SPRED2: variants seen among roughly 807,000 people sequenced by gnomAD.
SPRED2 encodes sprouty related EVH1 domain containing 2, also known as sprouty-related, EVH1 domain-containing protein 2.
A neutral mutation model predicts 43.0 loss-of-function variants in SPRED2; 47 were observed. The observed-to-expected ratio is 1.09, with a 90% CI of 0.87 to 1.40. SPRED2 has a LOEUF of 1.40. SPRED2 is among the 40% of genes most tolerant of loss of function. The pLI, the probability that SPRED2 is intolerant of heterozygous loss-of-function variation, is 0.00. For synonymous variants in SPRED2, 225 were observed against 225.7 expected (o/e 1.00, Z 0.03); for missense variants, 561 against 586.4 (o/e 0.96, Z 0.45).
At chr2:65,382,303 C>T (rs876933) in intron 1 of SPRED2, among the ~76,000 whole-genome samples, 40,985 of 151,870 alleles carry the variant, frequency 0.27, 6,913 homozygotes, top group East Asian at 0.7. Flanking sequence ...AAGAAGGCTA[C>T]GAAGAAGAAG....
chr2:65,360,337 TG>T (rs553818841), intron 1 of SPRED2, among the ~76,000 whole-genome samples: 112 of 152,356 alleles, frequency 7.4e-4, no homozygotes, highest in African/African-American at 2.5e-3. Context: ...GAAAGCATCC[TG>T]GATATGCCAT....
intron 2 of SPRED2, among the ~76,000 whole-genome samples, chr2:65,339,469 G>C (rs1436505524): frequency 1.3e-5 from 2 of 151,100 alleles, no homozygotes; most frequent in African/African-American, 2.4e-5. Flanking sequence ...GTCCACTCAG[G>C]GTTAAATGGA....
Position 65,313,068 on chromosome 2 carries a change from GAGAA to G in SPRED2, c.*429_*432del. ...GCTAGCGACAGGCAAGGTGAACCAA[GAGAA>G]AGAGAGTCTTCGACGCTCTTGGAAA... On this transcript the variant is annotated 3_prime_UTR_variant, in exon 6 of 6. Coordinates refer to ENST00000356388, the MANE Select transcript of SPRED2 (RefSeq NM_181784.3). The G allele has an allele frequency of 1.0e-6, 1 of 988,536 alleles. No homozygotes were observed. Among genetic ancestry groups the G allele is most frequent in the Non-Finnish European group, 1.2e-6 (1 of 832,260 alleles). The allele number at this position is 988,536 out of a possible 1,614,324, so 61.2% of individuals were successfully genotyped here.
At chr2:65,357,373 C>T (rs1054565705) in intron 1 of SPRED2, among the ~76,000 whole-genome samples, 1 of 152,196 alleles carries the variant, frequency 6.6e-6, no homozygotes, top group Non-Finnish European at 1.5e-5. Flanking sequence ...ATTAGTTCCA[C>T]CTCTTAAGCT....
intron 1 of SPRED2, among the ~76,000 whole-genome samples, chr2:65,360,367 C>T (rs1440214319): frequency 2.6e-5 from 4 of 152,238 alleles, no homozygotes; most frequent in African/African-American, 9.6e-5. Flanking sequence ...AACTGCCGCA[C>T]ACCCAGCAGT....
intron 1 of SPRED2, chr2:65,378,007 T>G: frequency 8.1e-6 from 2 of 246,814 alleles, no homozygotes; most frequent in East Asian, 1.8e-4. Context: ...GCATTTCCTC[T>G]GTAACATGTC....
Position 65,311,307 on chromosome 2 carries a change from G to A in SPRED2, c.*2194C>T, listed in dbSNP as rs1673061498. 1 of 985,794 alleles carries A rather than the reference G, an allele frequency of 1.0e-6. No individual in the cohort carries two copies. The highest frequency in any genetic ancestry group is 1.2e-6 in the Non-Finnish European group (1 of 829,910). 61.1% of individuals were successfully genotyped at this position (985,794 alleles called of 1,614,324 possible). A position where few individuals can be genotyped will look rare whatever the true frequency, so the allele number is the denominator to read the frequency against. On this transcript the variant is annotated 3_prime_UTR_variant, in exon 6 of 6. Coordinates refer to ENST00000356388, the MANE Select transcript of SPRED2 (RefSeq NM_181784.3). ...CATGGCTGTCTTTGTGCCCTTAACC[G>A]ATGCCTTCACAAACCAAAAAGTATA... is the stretch of plus-strand genomic sequence containing the variant.
chr2:65,330,799 T>A (rs945749203), intron 4 of SPRED2, among the ~76,000 whole-genome samples: 3 of 152,208 alleles, frequency 2.0e-5, no homozygotes, highest in Non-Finnish European at 4.4e-5. Flanking sequence ...GAGAGGTGAC[T>A]TACTTTCAAA....
In SPRED2 at chr2:65,312,155, T is replaced by C; in HGVS notation, c.*1346A>G. 1 of 985,636 alleles carries C rather than the reference T, an allele frequency of 1.0e-6. No individual in the cohort carries two copies. The highest frequency in any genetic ancestry group is 1.2e-6 in the Non-Finnish European group (1 of 829,936). 61.1% of individuals were successfully genotyped at this position (985,636 alleles called of 1,614,324 possible). A position where few individuals can be genotyped will look rare whatever the true frequency, so the allele number is the denominator to read the frequency against. On this transcript the variant is annotated 3_prime_UTR_variant, in exon 6 of 6. Transcript: ENST00000356388. ...TAGAAAAATACTCTTTTCCAGCTAA[T>C]TAGAAGCCTCCTCCGTGGCAAGGCG... is the stretch of plus-strand genomic sequence containing the variant.
intron 1 of SPRED2, among the ~76,000 whole-genome samples, chr2:65,401,935 G>GTGCGCGCA (rs1553426607): frequency 2.2e-5 from 2 of 89,306 alleles, no homozygotes; most frequent in Admixed American, 1.0e-4. Context: ...TAGCGCGCGC[G>GTGCGCGCA]CGCACACACA....
intron 1 of SPRED2, among the ~76,000 whole-genome samples, chr2:65,366,229 A>G (rs915861019): frequency 2.6e-5 from 4 of 152,114 alleles, no homozygotes; most frequent in Non-Finnish European, 5.9e-5. Context: ...GCTCTACACT[A>G]CCCACCCAAG....
At chr2:65,349,308 C>CAAAAAAAAAAAAA (rs59019958) in intron 1 of SPRED2, among the ~76,000 whole-genome samples, 1 of 83,698 alleles carries the variant, frequency 1.2e-5, no homozygotes. Context: ...GACTCTGTCT[C>CAAAAAAAAAAAAA]AAAAAAAAAA....
chr2:65,319,910 T>C (rs1352415938), intron 4 of SPRED2, among the ~76,000 whole-genome samples: 2 of 151,998 alleles, frequency 1.3e-5, no homozygotes, highest in Non-Finnish European at 2.9e-5. Flanking sequence ...CCCAGGGAGA[T>C]TTCTAATAGG....
At chr2:65,360,526 G>T (rs1414299507) in intron 1 of SPRED2, among the ~76,000 whole-genome samples, 1 of 152,218 alleles carries the variant, frequency 6.6e-6, no homozygotes, top group African/African-American at 2.4e-5. Context: ...CTATAACATG[G>T]ATGAATCTTG....
chr2:65,348,788 C>T (rs551488408), intron 1 of SPRED2, among the ~76,000 whole-genome samples: 6 of 114,302 alleles, frequency 5.2e-5, no homozygotes, highest in African/African-American at 9.6e-5. Flanking sequence ...AGCAAAACTC[C>T]GTCTAAAAAA....
intron 1 of SPRED2, chr2:65,377,779 C>G: frequency 1.3e-5 from 6 of 459,678 alleles, no homozygotes; most frequent in South Asian, 9.4e-5. Context: ...GTCAAAGCGG[C>G]AGTCCTCAGC....
chr2:65,338,927 G>A (rs1273304898), intron 2 of SPRED2, among the ~76,000 whole-genome samples: 2 of 152,206 alleles, frequency 1.3e-5, no homozygotes, highest in African/African-American at 4.8e-5. Flanking sequence ...CGTCTGAGAT[G>A]TGGGGAGCGC....
rs1182672438 is a variant in SPRED2 at position 65,403,232 on chromosome 2, T to C, written c.26+28730A>G. Among the ~76,000 whole-genome samples the C allele has an allele frequency of 2.6e-5, 4 of 152,216 alleles. No individual in the cohort carries two copies. The East Asian group carries it at 7.7e-4, about 29-fold the overall frequency. On this transcript the variant is annotated intron_variant, in intron 1 of 5. Transcript: ENST00000356388. ...ACTATTAAATATTTCCAGAAGGGGT[T>C]ACGGATAGTAGAGTCAACATTTAGA...
intron 1 of SPRED2, among the ~76,000 whole-genome samples, chr2:65,371,881 G>A (rs6726897): frequency 0.012 from 1,777 of 152,142 alleles, 33 homozygotes; most frequent in African/African-American, 0.039. Flanking sequence ...TTTGAAATGA[G>A]CTTGGCTAAC....
Sources: gnomAD v4.1 joint callset for allele counts (sites outside exome capture counted in the v4.1 genomes callset) on GRCh38, gnomAD v4.1.1 for gene constraint, MANE v1.5 for transcripts, NCBI Gene and HGNC (gene_info 2026-07-23, HGNC 2026-07-21) for gene names.